The following SLC38A4 variants were observed in gnomAD, a reference collection of about 807,000 sequenced individuals.
SLC38A4 encodes sodium-coupled neutral amino acid transporter 4.
In SLC38A4, 20 loss-of-function variants were observed where a neutral mutation model predicts 63.1. The ratio of observed to expected loss-of-function variants is 0.32; its 90% CI spans 0.22 to 0.46. SLC38A4 has a LOEUF of 0.46. Among genes scored for constraint, SLC38A4 ranks in the 20% least tolerant of loss-of-function variants. The pLI is 1.00. For synonymous variants in SLC38A4, 230 were observed against 225.5 expected, an observed-to-expected ratio of 1.02 and a Z score of -0.18; for missense variants, 526 against 663.6, an observed-to-expected ratio of 0.79 and a Z score of 2.28.
At chr12:46,789,473 C>T (rs1384855113) in intron 3 of SLC38A4, among the ~76,000 whole-genome samples, 1 of 152,130 alleles carries the variant, frequency 6.6e-6, no homozygotes, top group Non-Finnish European at 1.5e-5. Context: ...TTCTTGGACA[C>T]AGGCTAGAAG....
chr12:46,778,892 C>A (rs923161951), intron 10 of SLC38A4, 116 bp from the exon 11 acceptor site: 2 of 881,232 alleles, frequency 2.3e-6, no homozygotes, highest in Non-Finnish European at 3.4e-6. Context: ...GTTAGGGATT[C>A]CTTTTAGACT....
In SLC38A4 at chr12:46,766,661, T is replaced by C. The variant is rs372679951; in HGVS notation, c.*40A>G. On this transcript the variant is annotated 3_prime_UTR_variant, in exon 17 of 17. Transcript: ENST00000266579. ...CAAATATCTTTTGGAGTATAACTTG[T>C]AACCATTTCCAATAGAAAAAGAAAG... The C allele has an allele frequency of 1.3e-5, 17 of 1,275,052 alleles. No individual in the cohort carries two copies. The highest frequency in any genetic ancestry group is 1.8e-5 in the Non-Finnish European group (16 of 879,570). The allele number at this position is 1,275,052 out of a possible 1,614,324, so 79.0% of individuals were successfully genotyped here.
At chr12:46,791,125 A>G (rs942431997) in intron 3 of SLC38A4, among the ~76,000 whole-genome samples, 1 of 152,186 alleles carries the variant, frequency 6.6e-6, no homozygotes, top group African/African-American at 2.4e-5. Context: ...GGCAGAGCTC[A>G]TATTTGTGTG....
At chr12:46,810,918 A>G (rs1416137517) in intron 1 of SLC38A4, among the ~76,000 whole-genome samples, 1 of 152,072 alleles carries the variant, frequency 6.6e-6, no homozygotes, top group Non-Finnish European at 1.5e-5. Context: ...TTTATGAGCT[A>G]TTTAGAATCT....
chr12:46,777,835 T>C (rs1938562077), intron 12 of SLC38A4, among the ~76,000 whole-genome samples: 1 of 152,006 alleles, frequency 6.6e-6, no homozygotes, highest in East Asian at 1.9e-4. Context: ...AGGACAGATA[T>C]TGACACATCT....
intron 2 of SLC38A4, among the ~76,000 whole-genome samples, chr12:46,797,936 T>G (rs1262661279): frequency 6.6e-6 from 1 of 152,140 alleles, no homozygotes; most frequent in Non-Finnish European, 1.5e-5. Flanking sequence ...TATTATAAAT[T>G]TTTCTTTCTT....
chr12:46,813,113 G>A (rs566443637), intron 1 of SLC38A4, among the ~76,000 whole-genome samples: 1 of 151,760 alleles, frequency 6.6e-6, no homozygotes, highest in South Asian at 2.1e-4. Flanking sequence ...TCCTCACATT[G>A]GCCCTGTTTT....
chr12:46,783,818 A>G (rs1938700268), intron 7 of SLC38A4, among the ~76,000 whole-genome samples: 1 of 152,070 alleles, frequency 6.6e-6, no homozygotes, highest in Non-Finnish European at 1.5e-5. Flanking sequence ...GGCTGGGGCC[A>G]TGTGCCAGGA....
chr12:46,809,895 A>T (rs1024288423), intron 1 of SLC38A4, among the ~76,000 whole-genome samples: 2 of 152,010 alleles, frequency 1.3e-5, no homozygotes, highest in Non-Finnish European at 2.9e-5. Flanking sequence ...ACCTTGATTA[A>T]TATTAGACTA....
chr12:46,792,729 A>G (rs186807997), intron 3 of SLC38A4, among the ~76,000 whole-genome samples: 203 of 152,292 alleles, frequency 1.3e-3, no homozygotes, highest in African/African-American at 4.7e-3. Flanking sequence ...ATTACACATT[A>G]TTAATGGAGA....
At chr12:46,825,078 G>A (rs1311724588) in intron 1 of SLC38A4, among the ~76,000 whole-genome samples, 7 of 151,410 alleles carry the variant, frequency 4.6e-5, no homozygotes. Context: ...TTGTACTAAA[G>A]TGTGTCAGGT....
upstream of SLC38A4, among the ~76,000 whole-genome samples, chr12:46,827,253 G>A (rs1271490837): frequency 6.6e-6 from 1 of 152,116 alleles, no homozygotes; most frequent in Non-Finnish European, 1.5e-5. Flanking sequence ...AGTTATGATA[G>A]AGGAAATCAC....
chr12:46,828,612 G>A (rs534116474), upstream of SLC38A4, among the ~76,000 whole-genome samples: 9 of 152,226 alleles, frequency 5.9e-5, no homozygotes, highest in East Asian at 3.9e-4. Flanking sequence ...CATGAGCCAC[G>A]GTGCCCAGCC....
intron 1 of SLC38A4, among the ~76,000 whole-genome samples, chr12:46,813,270 G>C (rs10881002): frequency 0.39 from 59,853 of 151,856 alleles, 14,480 homozygotes; most frequent in Non-Finnish European, 0.53. Context: ...CTATATCTAT[G>C]TCTGTATTTA....
intron 1 of SLC38A4, among the ~76,000 whole-genome samples, chr12:46,810,804 G>A (rs1386938349): frequency 6.6e-6 from 1 of 151,926 alleles, no homozygotes; most frequent in Non-Finnish European, 1.5e-5. Context: ...TTCAACAATT[G>A]TTAGTCAAAT....
chr12:46,775,309 C>T, intron 13 of SLC38A4, 136 bp from the exon 14 acceptor site: 1 of 1,037,338 alleles, frequency 9.6e-7, no homozygotes, highest in African/African-American at 1.6e-5. Flanking sequence ...TCTGGTCTTG[C>T]CTCTGAGCTC....
At chr12:46,806,298 T>C (rs1939231180) in intron 1 of SLC38A4, among the ~76,000 whole-genome samples, 1 of 151,968 alleles carries the variant, frequency 6.6e-6, no homozygotes, top group Non-Finnish European at 1.5e-5. Context: ...GAGAACAGAA[T>C]GGAATAGTAC....
At chr12:46,796,064 C>A (rs1273677454) in intron 2 of SLC38A4, among the ~76,000 whole-genome samples, 1 of 152,116 alleles carries the variant, frequency 6.6e-6, no homozygotes, top group East Asian at 1.9e-4. Flanking sequence ...ATCCATATTG[C>A]TAAGCTTTTC....
chr12:46,811,708 A>G (rs1318691136), intron 1 of SLC38A4, among the ~76,000 whole-genome samples: 1 of 152,050 alleles, frequency 6.6e-6, no homozygotes, highest in East Asian at 1.9e-4. Flanking sequence ...AGTAAAAACC[A>G]CCTGGGTAGC....
Sources: allele counts gnomAD v4.1 joint callset (sites outside exome capture counted in the v4.1 genomes callset), GRCh38; gene constraint gnomAD v4.1.1; transcripts MANE v1.5; gene names NCBI Gene and HGNC (gene_info 2026-07-23, HGNC 2026-07-21).